Variants in LRRC28 observed in about 807,000 individuals in gnomAD.
LRRC28 encodes leucine rich repeat containing 28.
In LRRC28, 39 loss-of-function variants were observed where a neutral mutation model predicts 45.7. The ratio of observed to expected loss-of-function variants is 0.85; its 90% CI spans 0.66 to 1.12. LRRC28 has a LOEUF of 1.12. Among genes scored for constraint, LRRC28 ranks in the 50% most tolerant of loss-of-function variants. LRRC28 has a pLI of 0.00. For synonymous variants in LRRC28, 206 were observed against 178.8 expected (o/e 1.15, Z -1.22); for missense variants, 435 against 438.5 (o/e 0.99, Z 0.07).
At chr15:99,280,903 T>G (rs1435237580) in intron 3 of LRRC28, among the ~76,000 whole-genome samples, 1 of 152,214 alleles carries the variant, frequency 6.6e-6, no homozygotes, top group Non-Finnish European at 1.5e-5. Context: ...TTTCAGACTT[T>G]TATTCCCTAT....
chr15:99,332,711 T>C (rs1956199009), intron 5 of LRRC28, among the ~76,000 whole-genome samples: 2 of 152,212 alleles, frequency 1.3e-5, no homozygotes, highest in Admixed American at 1.3e-4. Context: ...AGCCATAGTT[T>C]ACCACCAGCT....
chr15:99,351,653 C>T (rs1194655950), intron 6 of LRRC28, among the ~76,000 whole-genome samples: 1 of 152,156 alleles, frequency 6.6e-6, no homozygotes, highest in Admixed American at 6.6e-5. Context: ...GTGCCTGATC[C>T]CTAATCCTCC....
At chr15:99,348,233 C>T (rs1363708913) in intron 6 of LRRC28, among the ~76,000 whole-genome samples, 2 of 151,980 alleles carry the variant, frequency 1.3e-5, no homozygotes, top group African/African-American at 2.4e-5. Flanking sequence ...GTTGCCTTTT[C>T]GTTTTGTTAA....
intron 3 of LRRC28, among the ~76,000 whole-genome samples, chr15:99,279,948 C>T (rs907181381): frequency 1.8e-4 from 27 of 152,266 alleles, no homozygotes; most frequent in African/African-American, 6.5e-4. Context: ...ATGATTGTTC[C>T]AGCGTCCGCA....
At chr15:99,330,584 A>T (rs1353821120) in intron 5 of LRRC28, among the ~76,000 whole-genome samples, 2 of 151,974 alleles carry the variant, frequency 1.3e-5, no homozygotes, top group East Asian at 3.9e-4. Context: ...TATTTTTCCC[A>T]TCCTTTTACT....
chr15:99,323,415 GT>G (rs1955867681), intron 5 of LRRC28, among the ~76,000 whole-genome samples: 1 of 152,160 alleles, frequency 6.6e-6, no homozygotes, highest in South Asian at 2.1e-4. Context: ...GATCCCAATT[GT>G]TACAAGGAAT....
intron 9 of LRRC28, among the ~76,000 whole-genome samples, chr15:99,370,032 A>G (rs767023524): frequency 6.6e-6 from 1 of 152,216 alleles, no homozygotes; most frequent in Non-Finnish European, 1.5e-5. Context: ...TAAGATAGGT[A>G]CTATCATTAA....
chr15:99,343,958 C>T (rs1359478690), intron 6 of LRRC28, among the ~76,000 whole-genome samples: 1 of 152,114 alleles, frequency 6.6e-6, no homozygotes, highest in Non-Finnish European at 1.5e-5. Context: ...CTCAAGAGGC[C>T]ATCACAGCAT....
chr15:99,358,333 G>T (rs1957103237), intron 7 of LRRC28, among the ~76,000 whole-genome samples: 1 of 152,142 alleles, frequency 6.6e-6, no homozygotes, highest in Non-Finnish European at 1.5e-5. Flanking sequence ...GAGATACCAT[G>T]TTTGCAAATA....
At chr15:99,366,006 C>G (rs544264838) in intron 9 of LRRC28, among the ~76,000 whole-genome samples, 3 of 152,194 alleles carry the variant, frequency 2.0e-5, no homozygotes, top group Non-Finnish European at 4.4e-5. Context: ...TAACATGTCT[C>G]TTTTCCCAAG....
chr15:99,257,620 G>A (rs974259697), intron 2 of LRRC28: 1 of 686,586 alleles, frequency 1.5e-6, no homozygotes, highest in Non-Finnish European at 2.8e-6. Flanking sequence ...AGACTCACCA[G>A]CCACAAGCTG....
At chr15:99,349,496 G>A (rs541684118) in intron 6 of LRRC28, among the ~76,000 whole-genome samples, 2 of 152,094 alleles carry the variant, frequency 1.3e-5, no homozygotes, top group Admixed American at 1.3e-4. Flanking sequence ...AGAAAACATC[G>A]GTGAATTCTG....
Position 99,256,060 on chromosome 15 carries a change from C to T in LRRC28, c.103C>T (p.Leu35=), listed in dbSNP as rs371711918. 3 of 1,613,892 alleles carry T rather than the reference C, an allele frequency of 1.9e-6. No homozygotes were observed. The African/African-American group carries it at 4.0e-5, about 22-fold the overall frequency. The change falls in exon 2 of 10, where the codon CTG becomes TTG. Residue 35 remains leucine, a synonymous_variant. Transcript: ENST00000301981. ...RNLHHFPLEL[L]KDEGLQYLER... is the part of the protein sequence containing the mutation. ...TCTGCACCATTTTCCATTGGAGTTA[C>T]TGAAAGATGAGGGACTGCAGTACTT...
intron 5 of LRRC28, among the ~76,000 whole-genome samples, chr15:99,311,323 T>G (rs1955401794): frequency 6.6e-6 from 1 of 152,148 alleles, no homozygotes; most frequent in African/African-American, 2.4e-5. Flanking sequence ...AAGTACTTCT[T>G]TCGTTGCTTT....
intron 5 of LRRC28, among the ~76,000 whole-genome samples, chr15:99,294,286 G>A (rs979333302): frequency 8.0e-5 from 12 of 150,790 alleles, no homozygotes; most frequent in African/African-American, 2.9e-4. Flanking sequence ...CTCTGGTTAC[G>A]CACATTAGAT....
intron 2 of LRRC28, among the ~76,000 whole-genome samples, chr15:99,275,239 T>C (rs914929053): frequency 2.0e-5 from 3 of 152,260 alleles, no homozygotes; most frequent in African/African-American, 7.2e-5. Context: ...GCTTTCAACC[T>C]GTGAGTAGAC....
rs573820628 is a variant in LRRC28 at position 99,325,686 on chromosome 15, C to G, written c.386-8237C>G. Among the ~76,000 whole-genome samples the G allele has an allele frequency of 3.9e-5, 6 of 152,292 alleles. No individual in the cohort carries two copies. The East Asian group carries it at 1.2e-3, about 29-fold the overall frequency. On this transcript the variant is annotated intron_variant, in intron 5 of 9. Coordinates refer to ENST00000301981, the MANE Select transcript of LRRC28 (RefSeq NM_144598.5). ...TTTAGATTTTGTGAAATGCTTTATT[C>G]TTATTCCATGAACATGTGTATTACA...
intron 6 of LRRC28, among the ~76,000 whole-genome samples, chr15:99,339,705 A>G (rs1956441728): frequency 6.7e-6 from 1 of 149,330 alleles, no homozygotes. Flanking sequence ...AGCCTGAGCA[A>G]CAGAGTGAGA....
chr15:99,283,226 G>C (rs1008321387), intron 3 of LRRC28, among the ~76,000 whole-genome samples: 4 of 151,596 alleles, frequency 2.6e-5, no homozygotes, highest in Non-Finnish European at 5.9e-5. Flanking sequence ...TTTTATTTTG[G>C]AACAATTTTA....
Sources: allele counts gnomAD v4.1 joint callset (sites outside exome capture counted in the v4.1 genomes callset), GRCh38; gene constraint gnomAD v4.1.1; transcripts MANE v1.5; gene names NCBI Gene and HGNC (gene_info 2026-07-23, HGNC 2026-07-21).